CNTNAP2: variants seen among roughly 807,000 people sequenced by gnomAD.
CNTNAP2 encodes the protein contactin associated protein 2, also known as contactin-associated protein-like 2.
Under a neutral mutation model 155.2 loss-of-function variants are expected in CNTNAP2, and 98 were observed. The observed-to-expected ratio is 0.63, with a 90% CI of 0.54 to 0.75. The LOEUF (loss-of-function observed/expected upper bound fraction) is 0.75. CNTNAP2 is among the 30% of genes least tolerant of loss of function. The pLI, the probability that CNTNAP2 is intolerant of heterozygous loss-of-function variation, is 0.00. For missense variants in CNTNAP2, 1,727 were observed against 1,688.1 expected (o/e 1.02, Z -0.40); for synonymous variants, 651 against 631.2 (o/e 1.03, Z -0.47).
rs187293357 is a variant in CNTNAP2 at position 147,454,636 on chromosome 7, A to G, written c.1671-31299A>G. Reference sequence around the variant, plus strand: ...CAGAACTGGTGCTGTTTCATCAGGCAATGCATTGAATGGTTTATAAACTGA... The same window carrying G: ...CAGAACTGGTGCTGTTTCATCAGGCGATGCATTGAATGGTTTATAAACTGA... On this transcript the variant is annotated intron_variant, in intron 10 of 23. Transcript: ENST00000361727. Among the ~76,000 whole-genome samples the G allele has an allele frequency of 2.0e-5, 3 of 152,254 alleles. No individual in the cohort carries two copies. In the East Asian group the frequency reaches 5.8e-4, roughly 29 times the overall value.
chr7:146,591,061 G>A (rs1303186706), intron 1 of CNTNAP2, among the ~76,000 whole-genome samples: 1 of 152,040 alleles, frequency 6.6e-6, no homozygotes, highest in Non-Finnish European at 1.5e-5. Flanking sequence ...CACAGGTGTG[G>A]CTGAGATAGT....
intron 1 of CNTNAP2, among the ~76,000 whole-genome samples, chr7:146,739,334 G>A (rs1425269443): frequency 6.6e-6 from 1 of 151,668 alleles, no homozygotes; most frequent in Non-Finnish European, 1.5e-5. Context: ...CAGGGGTTTT[G>A]GTATTTTGTG....
chr7:146,424,643 G>A (rs1209122812), intron 1 of CNTNAP2, among the ~76,000 whole-genome samples: 1 of 152,164 alleles, frequency 6.6e-6, no homozygotes, highest in Non-Finnish European at 1.5e-5. Flanking sequence ...TTTAGAGAAA[G>A]TTTTATATCC....
intron 15 of CNTNAP2, among the ~76,000 whole-genome samples, chr7:147,998,757 A>C (rs1801851084): frequency 6.6e-6 from 1 of 152,196 alleles, no homozygotes; most frequent in African/African-American, 2.4e-5. Context: ...AGAAAATGAG[A>C]CCTGAGTTGG....
At chr7:147,431,757 C>T (rs1352463076) in intron 10 of CNTNAP2, among the ~76,000 whole-genome samples, 2 of 152,170 alleles carry the variant, frequency 1.3e-5, no homozygotes, top group Non-Finnish European at 2.9e-5. Context: ...GTTTCCATGA[C>T]ATCCCACTCT....
intron 1 of CNTNAP2, among the ~76,000 whole-genome samples, chr7:146,178,037 A>C (rs937959785): frequency 1.3e-5 from 2 of 151,424 alleles, no homozygotes; most frequent in Non-Finnish European, 1.5e-5. Flanking sequence ...TTTTATTTTT[A>C]TTTTTTTATT....
chr7:147,156,473 A>G (rs898159074), intron 8 of CNTNAP2, among the ~76,000 whole-genome samples: 4 of 152,166 alleles, frequency 2.6e-5, no homozygotes, highest in Non-Finnish European at 4.4e-5. Context: ...TGTCAAATAT[A>G]TTACAATGGT....
rs537455305 is a variant in CNTNAP2 at position 147,391,297 on chromosome 7, G to A, written c.1499-4312G>A. Among the ~76,000 whole-genome samples the A allele has an allele frequency of 3.4e-4, 51 of 152,174 alleles. 1 individual carries two copies. Among genetic ancestry groups the A allele is most frequent in the African/African-American group, 7.9e-4 (33 of 41,526 alleles). ...TTAGAACTCAGTCATGCTGTTTCCC[G>A]GACATGATTCTCCATGGCTCTTGGC... On this transcript the variant is annotated intron_variant, in intron 9 of 23. Coordinates refer to ENST00000361727, the MANE Select transcript of CNTNAP2 (RefSeq NM_014141.6).
chr7:148,076,253 A>G (rs1803481959), intron 15 of CNTNAP2, among the ~76,000 whole-genome samples: 2 of 152,018 alleles, frequency 1.3e-5, no homozygotes, highest in South Asian at 4.2e-4. Context: ...ATGACTGGAG[A>G]TATTTTTACT....
At chr7:146,643,486 T>C (rs1232134789) in intron 1 of CNTNAP2, among the ~76,000 whole-genome samples, 2 of 152,144 alleles carry the variant, frequency 1.3e-5, no homozygotes, top group African/African-American at 2.4e-5. Context: ...GCAGCGTTAT[T>C]TCTGAGGGCT....
At chr7:147,425,888 C>T (rs775669724) in intron 10 of CNTNAP2, among the ~76,000 whole-genome samples, 22 of 152,146 alleles carry the variant, frequency 1.4e-4, no homozygotes, top group Admixed American at 2.6e-4. Context: ...TTTATTCTAA[C>T]GTTAAACAGA....
At chr7:148,169,275 G>A (rs188659696) in intron 17 of CNTNAP2, among the ~76,000 whole-genome samples, 2 of 152,276 alleles carry the variant, frequency 1.3e-5, no homozygotes, top group East Asian at 3.9e-4. Flanking sequence ...GAGCAGACTG[G>A]CATGAATACA....
chr7:147,651,392 G>A (rs1475508079), intron 13 of CNTNAP2, among the ~76,000 whole-genome samples: 1 of 152,226 alleles, frequency 6.6e-6, no homozygotes, highest in Non-Finnish European at 1.5e-5. Context: ...TGCCTATGCA[G>A]CAACACCTGG....
chr7:148,106,718 C>T (rs548883679), intron 15 of CNTNAP2, among the ~76,000 whole-genome samples: 47 of 151,802 alleles, frequency 3.1e-4, no homozygotes, highest in African/African-American at 1.1e-3. Context: ...ACAACCTCTA[C>T]ATGCAAAAAA....
chr7:148,078,334 G>A (rs541588610), intron 15 of CNTNAP2, among the ~76,000 whole-genome samples: 7 of 45,352 alleles, frequency 1.5e-4, no homozygotes, highest in Middle Eastern at 8.9e-3. Context: ...AAAGTTCTGC[G>A]ATTACAGGCG....
At chr7:147,540,562 T>C (rs1799621233) in intron 11 of CNTNAP2, among the ~76,000 whole-genome samples, 1 of 152,056 alleles carries the variant, frequency 6.6e-6, no homozygotes, top group Non-Finnish European at 1.5e-5. Context: ...CCAGTAACAA[T>C]ATATTGCAAG....
At chr7:147,075,445 C>G (rs1050308386) in intron 4 of CNTNAP2, among the ~76,000 whole-genome samples, 16 of 152,084 alleles carry the variant, frequency 1.1e-4, no homozygotes, top group African/African-American at 3.9e-4. Flanking sequence ...CCTTCTAGCT[C>G]TACCCAGCAC....
At chr7:148,027,957 C>T (rs1214145136) in intron 15 of CNTNAP2, among the ~76,000 whole-genome samples, 2 of 152,084 alleles carry the variant, frequency 1.3e-5, no homozygotes, top group Non-Finnish European at 2.9e-5. Flanking sequence ...CTCTCCCAAC[C>T]TCAATAACAC....
intron 9 of CNTNAP2, among the ~76,000 whole-genome samples, chr7:147,379,175 T>C (rs941007686): frequency 1.3e-5 from 2 of 152,132 alleles, no homozygotes; most frequent in Non-Finnish European, 2.9e-5. Context: ...ACCTCTTTCC[T>C]TTATAAATTA....
Sources: gnomAD v4.1 joint callset for allele counts (sites outside exome capture counted in the v4.1 genomes callset) on GRCh38, gnomAD v4.1.1 for gene constraint, MANE v1.5 for transcripts, NCBI Gene and HGNC (gene_info 2026-07-23, HGNC 2026-07-21) for gene names.